The following FANCD2OS variants were observed in gnomAD, a reference collection of about 807,000 sequenced individuals.
FANCD2OS encodes FANCD2 opposite strand.
In FANCD2OS, 11 loss-of-function variants were observed where a neutral mutation model predicts 13.2. The ratio of observed to expected loss-of-function variants is 0.83; its 90% CI spans 0.52 to 1.38. FANCD2OS has a LOEUF of 1.38. Ranked by LOEUF, FANCD2OS falls within the 40% of genes most tolerant of loss-of-function variation. FANCD2OS has a pLI of 0.00. For synonymous variants in FANCD2OS, 69 were observed against 84.5 expected (o/e 0.82, Z 1.01); for missense variants, 217 against 213.9 (o/e 1.01, Z -0.09).
chr3:10,086,605 C>G (rs1694221824), intron 2 of FANCD2OS, among the ~76,000 whole-genome samples: 1 of 152,088 alleles, frequency 6.6e-6, no homozygotes, highest in Admixed American at 6.6e-5. Context: ...CCTCAGCCTC[C>G]CAAGACGCTG....
In FANCD2OS at chr3:10,104,516, G is replaced by T; in HGVS notation, c.259C>A (p.Leu87Met). 6.2e-7 allele frequency: 1 copy of T among 1,614,200 alleles called. No individual in the cohort carries two copies. The highest frequency in any genetic ancestry group is 8.5e-7 in the Non-Finnish European group (1 of 1,180,044). ...CGGATGGGCTGGGGCTTCCTGACCAGTCCTTTGTTGTTCATCGTGCGCAAC... is the reference window on the plus strand; with the variant it reads ...CGGATGGGCTGGGGCTTCCTGACCATTCCTTTGTTGTTCATCGTGCGCAAC... ...SELRTMNNKG[L>M]VRKPQPIRLS... Residue 87 changes from leucine to methionine, a missense_variant, in exon 2 of 2, where the codon CTG (leucine) becomes ATG (methionine). Physicochemically the swap from Leu to Met is conservative, Grantham distance 15 (BLOSUM62 2). Transcript: ENST00000450660.
chr3:10,085,986 C>A, intron 2 of FANCD2OS: 1 of 1,134,296 alleles, frequency 8.8e-7, no homozygotes, highest in Non-Finnish European at 1.3e-6. Flanking sequence ...GGATTGGCAA[C>A]TTTCTTTAAA....
At chr3:10,107,295 CTTTT>C (rs112043994) in intron 1 of FANCD2OS, among the ~76,000 whole-genome samples, 1 of 149,582 alleles carries the variant, frequency 6.7e-6, no homozygotes, top group African/African-American at 2.4e-5. Flanking sequence ...TTCTTTCTTT[CTTTT>C]TTTTTTGAGA....
intron 1 of FANCD2OS, among the ~76,000 whole-genome samples, chr3:10,107,573 A>ACCGGGC (rs1288303772): frequency 6.6e-6 from 1 of 151,432 alleles, no homozygotes; most frequent in African/African-American, 2.4e-5. Flanking sequence ...GGCGTGAGCC[A>ACCGGGC]CCGGGCCCGG....
Position 10,104,647 on chromosome 3 carries a change from G to GCT in FANCD2OS, c.127_128insAG (p.Pro43GlnfsTer16). ...GCACAGCTGCACTTCAAGGTCGGAC[G>GCT]GTGTGTGTGGGAAGCAGGGGGAGGC... On this transcript the variant is annotated frameshift_variant, in exon 2 of 2. Coordinates refer to ENST00000450660, the MANE Select transcript of FANCD2OS (RefSeq NM_001164839.2). LOFTEE classifies it high-confidence loss of function. 6.2e-7 allele frequency: 1 copy of GCT among 1,614,154 alleles called. No homozygotes were observed. The highest frequency in any genetic ancestry group is 8.5e-7 in the Non-Finnish European group (1 of 1,180,038).
intron 2 of FANCD2OS, among the ~76,000 whole-genome samples, chr3:10,085,626 G>A (rs563726660): frequency 3.3e-5 from 5 of 152,060 alleles, no homozygotes; most frequent in Admixed American, 3.3e-4. Flanking sequence ...TGTTGACCTC[G>A]TTATTCGCCC....
At chr3:10,081,851 A>G (rs1195544279) in intron 2 of FANCD2OS, among the ~76,000 whole-genome samples, 1 of 152,206 alleles carries the variant, frequency 6.6e-6, no homozygotes, top group East Asian at 1.9e-4. Flanking sequence ...CCAGAAGGGT[A>G]CATGGCCTTT....
intron 2 of FANCD2OS, chr3:10,095,138 A>G: frequency 7.5e-7 from 1 of 1,336,404 alleles, no homozygotes; most frequent in Non-Finnish European, 1.1e-6. Context: ...TTGCAAGGGT[A>G]TCTTGAATCT....
chr3:10,102,710 G>A (rs1484169067), downstream of FANCD2OS, among the ~76,000 whole-genome samples: 1 of 151,618 alleles, frequency 6.6e-6, no homozygotes, highest in Admixed American at 6.6e-5. Context: ...GGGCTTGGTG[G>A]CGGGCGCCTG....
chr3:10,091,241 C>T (rs953604063), intron 2 of FANCD2OS, among the ~76,000 whole-genome samples: 4 of 150,830 alleles, frequency 2.7e-5, no homozygotes, highest in Non-Finnish European at 4.4e-5. Flanking sequence ...CCACCATGCC[C>T]GGCTAATTTT....
At chr3:10,104,829 A>G in intron 1 of FANCD2OS, 47 bp from the exon 2 acceptor site, 3 of 1,490,358 alleles carry the variant, frequency 2.0e-6, no homozygotes, top group Non-Finnish European at 2.7e-6. Context: ...CATGCTTTTC[A>G]TGAGAGCATG....
At chr3:10,103,060 C>T (rs1695364316), downstream of FANCD2OS, 1 of 442,374 alleles carries the variant, frequency 2.3e-6, no homozygotes, top group Non-Finnish European at 4.5e-6. Flanking sequence ...AGTTCAAGAC[C>T]AGCTTGGGCA....
At position 10,096,229 on chromosome 3, in the gene FANCD2OS, G is replaced by C. The variant is rs1434196443; in HGVS notation, c.*43+7969C>G. 1.0e-5 allele frequency: 13 copies of C among 1,302,908 alleles called. No individual in the cohort carries two copies. The East Asian group carries it at 3.0e-4, about 30-fold the overall frequency. The allele number at this position is 1,302,908 out of a possible 1,614,324, so 80.7% of individuals were successfully genotyped here. A position where few individuals can be genotyped will look rare whatever the true frequency, so the allele number is the denominator to read the frequency against. On this transcript the variant is annotated intron_variant, in intron 2 of 2. Coordinates refer to the FANCD2OS transcript ENST00000524279. ...ACATACCGTTGGCCCATACTGGCAG[G>C]GCTTGTGTTCTTATTCAACATTCAA...
downstream of FANCD2OS, among the ~76,000 whole-genome samples, chr3:10,100,517 GC>G (rs1384290264): frequency 6.6e-6 from 1 of 152,118 alleles, no homozygotes; most frequent in Non-Finnish European, 1.5e-5. Flanking sequence ...GATTACAGGT[GC>G]CTGCAACCAT....
intron 2 of FANCD2OS, among the ~76,000 whole-genome samples, chr3:10,092,684 CTTTTTTTTTTTT>C (rs565351425): frequency 6.9e-5 from 5 of 72,060 alleles, no homozygotes; most frequent in Admixed American, 4.5e-4. Context: ...TCTTTCATGT[CTTTTTTTTTTTT>C]TTTTTTTTTT....
downstream of FANCD2OS, among the ~76,000 whole-genome samples, chr3:10,100,283 T>C (rs1209397433): frequency 6.6e-6 from 1 of 152,232 alleles, no homozygotes; most frequent in Admixed American, 6.5e-5. Context: ...TCCTATTAGT[T>C]TGGTACTTTC....
intron 2 of FANCD2OS, among the ~76,000 whole-genome samples, chr3:10,084,549 C>T (rs371002110): frequency 6.6e-6 from 1 of 152,188 alleles, no homozygotes; most frequent in Non-Finnish European, 1.5e-5. Context: ...ATCCACCCGC[C>T]TCAGCCTCCC....
At chr3:10,097,177 A>G (rs1345096244) in intron 2 of FANCD2OS, among the ~76,000 whole-genome samples, 2 of 152,256 alleles carry the variant, frequency 1.3e-5, no homozygotes, top group African/African-American at 4.8e-5. Context: ...GCAGGGTGAG[A>G]TCACATGACC....
downstream of FANCD2OS, among the ~76,000 whole-genome samples, chr3:10,102,684 A>G (rs568235021): frequency 9.2e-4 from 139 of 151,746 alleles, 2 homozygotes; most frequent in African/African-American, 3.2e-3. Context: ...CTACTAAAAA[A>G]TACAAAAAAT....
Sources: allele counts gnomAD v4.1 joint callset (sites outside exome capture counted in the v4.1 genomes callset), GRCh38; gene constraint gnomAD v4.1.1; transcripts MANE v1.5; gene names NCBI Gene and HGNC (gene_info 2026-07-23, HGNC 2026-07-21).